The following MSRA variants were observed in gnomAD, a reference collection of about 807,000 sequenced individuals.
MSRA encodes mitochondrial peptide methionine sulfoxide reductase.
Under a neutral mutation model 31.3 loss-of-function variants are expected in MSRA, and 54 were observed. That is an observed-to-expected ratio of 1.73 (90% CI 1.39 to 2.17). The LOEUF is 2.17. MSRA is among the 30% of genes most tolerant of loss of function. The pLI, the probability that MSRA is intolerant of heterozygous loss-of-function variation, is 0.00. For synonymous variants in MSRA, 169 were observed against 116.5 expected (o/e 1.45, Z -2.90); for missense variants, 507 against 300.9 (o/e 1.69, Z -5.07).
intron 5 of MSRA, among the ~76,000 whole-genome samples, chr8:10,361,688 G>A (rs1281538615): frequency 6.6e-6 from 1 of 152,062 alleles, no homozygotes; most frequent in Non-Finnish European, 1.5e-5. Flanking sequence ...ACACAACAAA[G>A]CAAAACACAG....
In MSRA at chr8:10,422,576, G is replaced by T. The variant is rs555067914; in HGVS notation, c.544-5572G>T. 6.0e-4 allele frequency among the ~76,000 whole-genome samples: 92 copies of T among 152,244 alleles called. No individual in the cohort carries two copies. In the Middle Eastern group the frequency reaches 0.02, roughly 34 times the overall value. On this transcript the variant is annotated intron_variant, in intron 5 of 5. Transcript: ENST00000317173. The stretch of plus-strand genomic sequence containing the variant: ...CAGTCCTGCTGACTTCTTTCTAAAA[G>T]GTCAGCAAGACACACACACAAAAAA...
intron 4 of MSRA, among the ~76,000 whole-genome samples, chr8:10,313,319 T>A (rs755294737): frequency 2.0e-5 from 3 of 152,190 alleles, no homozygotes; most frequent in Non-Finnish European, 4.4e-5. Context: ...CCTGAAGAGT[T>A]CATGAAGTAG....
intron 1 of MSRA, among the ~76,000 whole-genome samples, chr8:10,115,397 G>A (rs1353945776): frequency 6.6e-6 from 1 of 152,188 alleles, no homozygotes; most frequent in Non-Finnish European, 1.5e-5. Flanking sequence ...AGAATGGCAG[G>A]GGCCACTAGA....
chr8:10,325,380 C>T (rs1260152569), intron 5 of MSRA, among the ~76,000 whole-genome samples: 1 of 151,914 alleles, frequency 6.6e-6, no homozygotes, highest in African/African-American at 2.4e-5. Context: ...AATAGTAATA[C>T]TGTTAGAACA....
chr8:10,148,186 G>A (rs576933789), intron 1 of MSRA, among the ~76,000 whole-genome samples: 4 of 152,162 alleles, frequency 2.6e-5, no homozygotes, highest in African/African-American at 9.7e-5. Flanking sequence ...TTCTGGAAAC[G>A]CAAGGATGGG....
intron 2 of MSRA, among the ~76,000 whole-genome samples, chr8:10,227,036 A>G (rs950131240): frequency 2.0e-5 from 3 of 152,214 alleles, no homozygotes; most frequent in Non-Finnish European, 4.4e-5. Flanking sequence ...CTAGAGATCC[A>G]TGGCTCACCA....
intron 1 of MSRA, among the ~76,000 whole-genome samples, chr8:10,126,397 T>C (rs1472131368): frequency 6.6e-6 from 1 of 152,204 alleles, no homozygotes; most frequent in Non-Finnish European, 1.5e-5. Context: ...CCAAGCTCTG[T>C]GGCACCAGGG....
At chr8:10,353,497 C>G (rs1804320434) in intron 5 of MSRA, 1 of 403,434 alleles carries the variant, frequency 2.5e-6, no homozygotes, top group South Asian at 1.8e-5. Flanking sequence ...GCCCGGAGGC[C>G]CGTGTATCTG....
At chr8:10,281,805 C>G (rs910786467) in intron 3 of MSRA, among the ~76,000 whole-genome samples, 2 of 152,160 alleles carry the variant, frequency 1.3e-5, no homozygotes, top group Non-Finnish European at 2.9e-5. Context: ...CTGATCAAGA[C>G]GAAGGCTATT....
Position 10,428,877 on chromosome 8 carries a change from G to GA in MSRA, c.*565_*566insA. 6.5e-6 allele frequency: 1 copy of GA among 152,928 alleles called. No individual in the cohort carries two copies. Among genetic ancestry groups the GA allele is most frequent in the Non-Finnish European group, 1.5e-5 (1 of 68,520 alleles). The allele number at this position is 152,928 out of a possible 1,614,324, so 9.5% of individuals were successfully genotyped here. On this transcript the variant is annotated 3_prime_UTR_variant, in exon 6 of 6. Coordinates refer to ENST00000317173, the MANE Select transcript of MSRA (RefSeq NM_012331.5). ...ATGTTTGTTTTAATAAAAACCTACA[G>GA]TCCAATAATGCCAACTGCCTGACAT...
intron 5 of MSRA, among the ~76,000 whole-genome samples, chr8:10,418,032 G>C (rs1426453369): frequency 1.3e-5 from 2 of 152,128 alleles, no homozygotes; most frequent in African/African-American, 4.8e-5. Flanking sequence ...TGACCTCTTA[G>C]AAGCCCGACC....
At chr8:10,192,267 C>T (rs900017840) in intron 1 of MSRA, among the ~76,000 whole-genome samples, 5 of 152,252 alleles carry the variant, frequency 3.3e-5, no homozygotes, top group African/African-American at 1.2e-4. Context: ...TTAAGCTCCA[C>T]TTCTTGACAG....
At chr8:10,357,043 T>C (rs570688226) in intron 5 of MSRA, among the ~76,000 whole-genome samples, 2 of 152,332 alleles carry the variant, frequency 1.3e-5, no homozygotes, top group South Asian at 4.1e-4. Context: ...TTGTATTTCC[T>C]GAACATTGGC....
chr8:10,417,252 C>T (rs62493469), intron 5 of MSRA, among the ~76,000 whole-genome samples: 122 of 152,226 alleles, frequency 8.0e-4, no homozygotes, highest in Non-Finnish European at 1.3e-3. Flanking sequence ...CCTTTGAACG[C>T]GCTCCTTGTC....
intron 1 of MSRA, among the ~76,000 whole-genome samples, chr8:10,062,655 G>C (rs1467371609): frequency 3.9e-5 from 6 of 152,160 alleles, no homozygotes; most frequent in Non-Finnish European, 8.8e-5. Flanking sequence ...TGGAGTAATG[G>C]GGACGAGCAT....
chr8:10,117,090 G>A (rs1800741411), intron 1 of MSRA, among the ~76,000 whole-genome samples: 1 of 152,202 alleles, frequency 6.6e-6, no homozygotes, highest in Non-Finnish European at 1.5e-5. Context: ...GCAGGAGCAT[G>A]CCTGAAATGG....
intron 3 of MSRA, among the ~76,000 whole-genome samples, chr8:10,289,705 G>T (rs117391959): frequency 1.3e-5 from 2 of 152,108 alleles, no homozygotes; most frequent in Non-Finnish European, 2.9e-5. Context: ...TATCATGCTC[G>T]TAGGGCCTCT....
intron 5 of MSRA, among the ~76,000 whole-genome samples, chr8:10,411,755 G>C (rs1357663559): frequency 6.6e-6 from 1 of 152,208 alleles, no homozygotes; most frequent in Non-Finnish European, 1.5e-5. Context: ...TTTAAACATG[G>C]CGTAAGAGGA....
intron 5 of MSRA, among the ~76,000 whole-genome samples, chr8:10,353,447 C>T (rs1038691272): frequency 4.0e-5 from 6 of 150,846 alleles, no homozygotes; most frequent in African/African-American, 1.5e-4. Flanking sequence ...GGAGGTTCCT[C>T]CCACTTCGGC....
Sources: gnomAD v4.1 joint callset for allele counts (sites outside exome capture counted in the v4.1 genomes callset) on GRCh38, gnomAD v4.1.1 for gene constraint, MANE v1.5 for transcripts, NCBI Gene and HGNC (gene_info 2026-07-23, HGNC 2026-07-21) for gene names.